Variants in POLE observed in about 807,000 individuals in gnomAD.
The protein encoded by POLE is DNA polymerase epsilon catalytic subunit A.
A neutral mutation model predicts 279.2 loss-of-function variants in POLE; 188 were observed. The observed-to-expected ratio is 0.67, with a 90% CI of 0.60 to 0.76. The LOEUF (loss-of-function observed/expected upper bound fraction) is 0.76, where lower values mean the gene tolerates loss of function less well. Ranked by LOEUF, POLE falls within the 30% of genes least tolerant of loss-of-function variation. The probability of loss-of-function intolerance (pLI) is 0.00; values close to 1 mark genes in which losing one functional copy is unlikely to be tolerated. For synonymous variants in POLE, 1,214 were observed against 1,172.5 expected (o/e 1.04, Z -0.72); for missense variants, 2,703 against 3,016.7 (o/e 0.90, Z 2.44).
rs554104178 is a variant in POLE, at chr12:132,661,843, C to G, written c.2707-159G>C. 1.3e-5 allele frequency among the ~76,000 whole-genome samples: 2 copies of G among 152,210 alleles called. No homozygotes were observed. Among genetic ancestry groups the G allele is most frequent in the Non-Finnish European group, 2.9e-5 (2 of 68,042 alleles). On this transcript the variant is annotated intron_variant, in intron 23 of 48. Coordinates refer to ENST00000320574, the MANE Select transcript of POLE (RefSeq NM_006231.4). The surrounding 1 kb of genome is among the most constrained non-coding windows in gnomAD (Gnocchi z 4.1). ...GGAAGGAAGGAAGTTCTGATGCATG[C>G]AACCAAGTGGTGAAACTCAGGTGTA...
rs2138536852 is a variant in POLE at position 132,642,716 on chromosome 12, C to T, written c.4742G>A (p.Gly1581Glu). The T allele has an allele frequency of 6.2e-7, 1 of 1,613,490 alleles. No homozygotes were observed. The highest frequency in any genetic ancestry group is 8.5e-7 in the Non-Finnish European group (1 of 1,179,722). Reference protein sequence around the residue: ...FLLAYKEERRGPTLIAVQSSW... With the variant: ...FLLAYKEERREPTLIAVQSSW... ...GGACTGAACAGCGATGAGTGTGGGC[C>T]CCCGGCGCTCCTCCTGGGTCAAGGC... is the stretch of plus-strand genomic sequence containing the variant. Residue 1581 changes from glycine (G) to glutamate (E), a missense_variant, in exon 37 of 49, where the codon GGG (glycine) becomes GAG (glutamate). Transcript: ENST00000320574.
At position 132,675,703 on chromosome 12, in the gene POLE, C is replaced by T. The variant is rs372602062; in HGVS notation, c.1106+32G>A. The T allele has an allele frequency of 6.3e-6, 10 of 1,595,526 alleles. No homozygotes were observed. The highest frequency in any genetic ancestry group is 1.3e-5 in the African/African-American group (1 of 74,502). On this transcript the variant is annotated intron_variant, in intron 11 of 48. Transcript: ENST00000320574. The surrounding 1 kb of genome is among the most constrained non-coding windows in gnomAD (Gnocchi z 4.3). ...GCAACGCCCTCCCTCTCAAATGCTG[C>T]CCAGTTACTCATAGAGAAGACACAG...
intron 26 of POLE, 200 bp from the exon 27 acceptor site, chr12:132,658,170 G>C (rs1486554839): frequency 1.9e-6 from 1 of 519,438 alleles, no homozygotes; most frequent in Admixed American, 3.5e-5. Context: ...GTGTAAACAC[G>C]TGCGTGTGTG....
Position 132,680,200 on chromosome 12 carries a change from T to C in POLE, c.308A>G (p.Tyr103Cys). The change falls in exon 4 of 49, where the codon TAT becomes TGT. Residue 103 changes from tyrosine (Y) to cysteine (C), a missense_variant. Physicochemically the swap from Tyr to Cys is radical, Grantham distance 194. This residue lies in a region of POLE where 1,011 missense variants were observed against 1,111.7 expected (regional missense o/e 0.91). Coordinates refer to ENST00000320574, the MANE Select transcript of POLE (RefSeq NM_006231.4). ...RFKVALPYKP[Y>C]FYIATRKGCE... ...CACCTTTCTGGTCGCAATGTAGAAA[T>C]ACGGTTTATAGGGCAAAGCCACCTG... 6.2e-7 allele frequency: 1 copy of C among 1,614,110 alleles called. No individual in the cohort carries two copies. The highest frequency in any genetic ancestry group is 8.5e-7 in the Non-Finnish European group (1 of 1,179,986).
intron 29 of POLE, among the ~76,000 whole-genome samples, chr12:132,656,643 C>A (rs1159877491): frequency 6.6e-6 from 1 of 152,230 alleles, no homozygotes; most frequent in Non-Finnish European, 1.5e-5. Flanking sequence ...CAGGTGTGAG[C>A]CACCGCACCT....
intron 45 of POLE, among the ~76,000 whole-genome samples, chr12:132,630,492 G>T (rs1255464352): frequency 6.6e-6 from 1 of 152,232 alleles, no homozygotes; most frequent in Non-Finnish European, 1.5e-5. Flanking sequence ...GCTCACGCCT[G>T]TAATCCCAGC....
Position 132,643,866 on chromosome 12 carries a change from G to A in POLE, c.4261C>T (p.Pro1421Ser), listed in dbSNP as rs2138558999. The change falls in exon 33 of 49, where the codon CCA becomes TCA. Residue 1421 changes from proline (P) to serine (S), a missense_variant. This residue lies in a region of POLE where 1,551 missense variants were observed against 1,686.1 expected (regional missense o/e 0.92). Coordinates refer to ENST00000320574, the MANE Select transcript of POLE (RefSeq NM_006231.4). The part of the protein sequence containing the change: ...INEINAELSA[P>S]DIEGVYETQV... ...GTCTCATATACGCCCTCGATGTCTG[G>A]CGCTGACAGCTCAGCGTTGATCTCG... 1 of 1,614,154 alleles carries A rather than the reference G, an allele frequency of 6.2e-7. No individual in the cohort carries two copies. The highest frequency in any genetic ancestry group is 1.7e-5 in the Admixed American group (1 of 60,012).
chr12:132,625,879 G>A lies in POLE; in HGVS notation c.6532-109C>T, dbSNP rs1052233873. 17 of 1,428,826 alleles carry A rather than the reference G, an allele frequency of 1.2e-5. No individual in the cohort carries two copies. The African/African-American group carries it at 1.8e-4, about 15-fold the overall frequency. 88.5% of individuals were successfully genotyped at this position (1,428,826 alleles called of 1,614,324 possible). On this transcript the variant is annotated intron_variant, in intron 46 of 48. Transcript: ENST00000320574. Reference sequence around the variant, plus strand: ...CTGTGAGAAGCGCCTGGTGACGGGCGAGTCTCCTGAGTGCAGCTGCACGCA... The same window carrying A: ...CTGTGAGAAGCGCCTGGTGACGGGCAAGTCTCCTGAGTGCAGCTGCACGCA...
rs1030387176 is a variant in POLE, at chr12:132,635,938, T to C, written c.5765A>G (p.Tyr1922Cys). 2 of 1,613,834 alleles carry C rather than the reference T, an allele frequency of 1.2e-6. No individual in the cohort carries two copies. Among genetic ancestry groups the C allele is most frequent in the Non-Finnish European group, 1.7e-6 (2 of 1,179,844 alleles). Reference sequence around the variant, plus strand: ...TGAAACTTTTCCTTTGATTCCGCCATAGTTAGATGGATCCATCCAGAGAAG... The same window carrying C: ...TGAAACTTTTCCTTTGATTCCGCCACAGTTAGATGGATCCATCCAGAGAAG... ...EFLLWMDPSN[Y>C]GGIKGKVSSR... Residue 1922 changes from tyrosine (Y) to cysteine (C), a missense_variant, in exon 42 of 49, where the codon TAT becomes TGT. By Grantham distance (194) the Tyr-to-Cys change is radical. Around this residue, in one of 5 missense-constraint regions of POLE, gnomAD observed 1,551 missense variants for 1,686.1 expected, o/e 0.92. Transcript: ENST00000320574.
intron 43 of POLE, 73 bp from the exon 44 acceptor site, chr12:132,632,868 T>C (rs966874967): frequency 6.0e-6 from 9 of 1,493,226 alleles, no homozygotes; most frequent in Non-Finnish European, 7.1e-6. Flanking sequence ...AGGGGACCCA[T>C]GGCTGGTCAG....
At chr12:132,643,385 G>A (rs2138548999) in intron 34 of POLE, 22 bp downstream of exon 34, 1 of 1,614,236 alleles carries the variant, frequency 6.2e-7, no homozygotes, top group African/African-American at 1.3e-5. Context: ...GGCACATGAT[G>A]GGCGGCTGGT....
chr12:132,686,150 T>TA (rs1277950215), intron 1 of POLE, among the ~76,000 whole-genome samples: 2 of 152,052 alleles, frequency 1.3e-5, no homozygotes, highest in Non-Finnish European at 2.9e-5. Flanking sequence ...GTGCTGGGAT[T>TA]ACAGGTGTGA....
Position 132,626,285 on chromosome 12 carries a change from CTGG to C in POLE, c.6360_6362del (p.Asn2120_Gln2121delinsLys). 1 of 1,613,822 alleles carries C rather than the reference CTGG, an allele frequency of 6.2e-7. No homozygotes were observed. Among genetic ancestry groups the C allele is most frequent in the Non-Finnish European group, 8.5e-7 (1 of 1,180,038 alleles). On this transcript the variant is annotated inframe_deletion, in exon 46 of 49. Transcript: ENST00000320574. ...GCAGGTCTCGGTTCAGCTTATTCACCTGGTTTGTGATGTTGGTGTCCAGGGACA... is the reference window on the plus strand; with the variant it reads ...GCAGGTCTCGGTTCAGCTTATTCACCTTTGTGATGTTGGTGTCCAGGGACA...
intron 32 of POLE, among the ~76,000 whole-genome samples, chr12:132,646,851 TAAA>T (rs1409537136): frequency 6.6e-6 from 1 of 151,288 alleles, no homozygotes; most frequent in African/African-American, 2.4e-5. Flanking sequence ...AACAAACAAA[TAAA>T]AATAAATAAA....
In POLE at chr12:132,680,640, G is replaced by A. The variant is rs148838481; in HGVS notation, c.252C>T (p.Tyr84=). 405 of 1,613,944 alleles carry A rather than the reference G, an allele frequency of 2.5e-4. No homozygotes were observed. Among genetic ancestry groups the A allele is most frequent in the Non-Finnish European group, 3.4e-4 (399 of 1,179,944 alleles). The change falls in exon 3 of 49, where the codon TAC becomes TAT. Residue 84 remains tyrosine, a synonymous_variant. Coordinates refer to ENST00000320574, the MANE Select transcript of POLE (RefSeq NM_006231.4). ...TGCTTCCGTCATCTTGAATAAAGTAGTAATCCACTGCACTGCCTAAGCGCT... is the reference window on the plus strand; with the variant it reads ...TGCTTCCGTCATCTTGAATAAAGTAATAATCCACTGCACTGCCTAAGCGCT... The part of the protein sequence containing the change: ...EDKRLGSAVD[Y]YFIQDDGSRF...
chr12:132,665,463 T>G lies in POLE; in HGVS notation c.2320-13A>C. The G allele has an allele frequency of 6.2e-7, 1 of 1,601,650 alleles. No homozygotes were observed. The highest frequency in any genetic ancestry group is 8.5e-7 in the Non-Finnish European group (1 of 1,173,954). ...TCTTTTTCCACACCTGAGAAGCACA[T>G]GAACATGGAGCACCTCACAGATTCT... On this transcript the variant is annotated splice_polypyrimidine_tract_variant and intron_variant, in intron 20 of 48. Transcript: ENST00000320574.
At position 132,679,647 on chromosome 12, in the gene POLE, T is replaced by C. The variant is rs1053441803; in HGVS notation, c.428A>G (p.Asn143Ser). 1 of 1,608,762 alleles carries C rather than the reference T, an allele frequency of 6.2e-7. No individual in the cohort carries two copies. Among genetic ancestry groups the C allele is most frequent in the African/African-American group, 1.3e-5 (1 of 74,828 alleles). ...ATTTCGCTTCAAACCCACCAAGTGATTTGGCTATAATGCGAAGAGATCACG... is the reference window on the plus strand; with the variant it reads ...ATTTCGCTTCAAACCCACCAAGTGACTTGGCTATAATGCGAAGAGATCACG... ...TVPKEDLDLP[N>S]HLVGLKRNYI... Residue 143 changes from asparagine to serine, a missense_variant, in exon 6 of 49, where the codon AAT becomes AGT. Asn to Ser is a conservative substitution (Grantham distance 46). Coordinates refer to ENST00000320574, the MANE Select transcript of POLE (RefSeq NM_006231.4).
At position 132,672,319 on chromosome 12, in the gene POLE, G is replaced by C. The variant is rs1465675256; in HGVS notation, c.1690C>G (p.Pro564Ala). 2.5e-6 allele frequency: 4 copies of C among 1,613,584 alleles called. No individual in the cohort carries two copies. The highest frequency in any genetic ancestry group is 3.4e-6 in the Non-Finnish European group (4 of 1,179,514). ...SDIPCRFRMN[P>A]AAFDFLLQRV... The stretch of plus-strand genomic sequence containing the variant: ...TGCAGCAGGAAGTCAAAGGCGGCAG[G>C]ATTCTAGCACAACAGTGAGACGACG... The change falls in exon 16 of 49, where the codon CCT becomes GCT. Residue 564 changes from proline (P) to alanine (A), a missense_variant. Coordinates refer to ENST00000320574, the MANE Select transcript of POLE (RefSeq NM_006231.4).
chr12:132,639,952 AAAAACAAAACAAAAC>A lies in POLE; in HGVS notation c.5379-669_5379-655del, dbSNP rs10526281. On this transcript the variant is annotated intron_variant, in intron 39 of 48. Coordinates refer to ENST00000320574, the MANE Select transcript of POLE (RefSeq NM_006231.4). The surrounding 1 kb of genome is among the most constrained non-coding windows in gnomAD (Gnocchi z 4.7). Reference sequence around the variant, plus strand: ...ACAGAGTGAGACTGTCTCAAAAAACAAAAACAAAACAAAACAAAACAAAACAAAACAAAACAAAAC... The same window carrying A: ...ACAGAGTGAGACTGTCTCAAAAAACAAAAACAAAACAAAACAAAACAAAAC... 0.014 allele frequency among the ~76,000 whole-genome samples: 2,129 copies of A among 148,790 alleles called. 43 individuals are homozygous for A. Among genetic ancestry groups the A allele is most frequent in the African/African-American group, 0.045 (1,792 of 40,192 alleles).
Sources: gnomAD v4.1 joint callset for allele counts (sites outside exome capture counted in the v4.1 genomes callset) on GRCh38, gnomAD v4.1.1 for gene constraint, gnomAD v4.1.1 regional missense constraint, Gnocchi (gnomAD v3.1) non-coding constraint, MANE v1.5 for transcripts, NCBI Gene and HGNC (gene_info 2026-07-23, HGNC 2026-07-21) for gene names.